The following UNC5A variants were observed in gnomAD, a reference collection of about 807,000 sequenced individuals.
The protein encoded by UNC5A is unc-5 netrin receptor A, also known as netrin receptor UNC5A.
In UNC5A, 20 loss-of-function variants were observed where a neutral mutation model predicts 87.4. The ratio of observed to expected loss-of-function variants is 0.23; its 90% CI spans 0.16 to 0.33. The LOEUF (loss-of-function observed/expected upper bound fraction) is 0.33, where lower values mean the gene tolerates loss of function less well. UNC5A is among the 10% of genes least tolerant of loss of function. UNC5A has a pLI of 1.00. For missense variants in UNC5A, 844 were observed against 1,133.4 expected (o/e 0.74, Z 3.67); for synonymous variants, 438 against 482.3 (o/e 0.91, Z 1.20).
Position 176,880,234 on chromosome 5 carries a change from C to T in UNC5A, c.*348C>T, listed in dbSNP as rs530983063. 1.1e-4 allele frequency: 23 copies of T among 217,934 alleles called. No individual in the cohort carries two copies. Among genetic ancestry groups the T allele is most frequent in the South Asian group, 7.5e-4 (9 of 12,028 alleles). The allele number at this position is 217,934 out of a possible 1,614,324, so 13.5% of individuals were successfully genotyped here. On this transcript the variant is annotated 3_prime_UTR_variant, in exon 15 of 15. Transcript: ENST00000329542. The stretch of plus-strand genomic sequence containing the variant: ...GGCCCCGCATACACACGGCCATGCA[C>T]GCACACACTGGGCCTGGGCCAGGGC...
chr5:176,839,764 C>G (rs1036600924), intron 1 of UNC5A, among the ~76,000 whole-genome samples: 8 of 151,148 alleles, frequency 5.3e-5, no homozygotes, highest in African/African-American at 7.3e-5. Flanking sequence ...CAGAAGCAAG[C>G]AGCACCTGGA....
rs1561672113 is a variant in UNC5A, at chr5:176,878,472, C to T, written c.2020-3C>T. On this transcript the variant is annotated splice_polypyrimidine_tract_variant and splice_region_variant and intron_variant, in intron 12 of 14. Coordinates refer to ENST00000329542, the MANE Select transcript of UNC5A (RefSeq NM_133369.3). ...TGACACCTCCTCTCTGCATCCCCAT[C>T]AGGAGATCCCCTTTTATCACATCTG... The T allele has an allele frequency of 1.5e-5, 24 of 1,612,268 alleles. No homozygotes were observed. The highest frequency in any genetic ancestry group is 2.0e-5 in the Non-Finnish European group (23 of 1,179,142).
chr5:176,856,243 C>A (rs1332282015), intron 1 of UNC5A, among the ~76,000 whole-genome samples: 2 of 152,232 alleles, frequency 1.3e-5, no homozygotes, highest in African/African-American at 4.8e-5. Context: ...CCGGGCGAGT[C>A]TTATCTCCCA....
chr5:176,849,556 G>T (rs1210137491), intron 1 of UNC5A, among the ~76,000 whole-genome samples: 1 of 152,228 alleles, frequency 6.6e-6, no homozygotes, highest in African/African-American at 2.4e-5. Context: ...TTGCTCTCCA[G>T]CCTGGGCAAC....
Position 176,839,807 on chromosome 5 carries a change from CTTTTTTTTT to C in UNC5A, c.71-22799_71-22791del, listed in dbSNP as rs58515865. 7.0e-3 allele frequency among the ~76,000 whole-genome samples: 863 copies of C among 123,886 alleles called. 12 individuals carry two copies. The highest frequency in any genetic ancestry group is 0.028 in the African/African-American group (829 of 29,794). The allele number at this position is 123,886 out of a possible 152,430, so 81.3% of individuals were successfully genotyped here. On this transcript the variant is annotated intron_variant, in intron 1 of 14. Transcript: ENST00000329542. ...CCCACTGTGGCTTCACGGCCACTTC[CTTTTTTTTT>C]TTTTTTTTTTTTTTTTTCTTGACAG...
At chr5:176,814,202 G>A (rs1426332039) in intron 1 of UNC5A, among the ~76,000 whole-genome samples, 2 of 152,134 alleles carry the variant, frequency 1.3e-5, no homozygotes, top group Admixed American at 6.5e-5. Flanking sequence ...TGGCATCCAG[G>A]CTGGAAATCT....
At position 176,824,209 on chromosome 5, in the gene UNC5A, C is replaced by T. The variant is rs542252838; in HGVS notation, c.70+13389C>T. On this transcript the variant is annotated intron_variant, in intron 1 of 14. Transcript: ENST00000329542. This position sits in a 1 kb window ranked among gnomAD's most constrained non-coding sequence, Gnocchi z 4.2. Reference sequence around the variant, plus strand: ...CGACACTGGCCCAGGACTATTTCCCCCATGTGTGGAAAGCGGCCGTGGGGC... The same window carrying T: ...CGACACTGGCCCAGGACTATTTCCCTCATGTGTGGAAAGCGGCCGTGGGGC... Among the ~76,000 whole-genome samples, 4 of 152,210 alleles carry T rather than the reference C, an allele frequency of 2.6e-5. No homozygotes were observed. Among genetic ancestry groups the T allele is most frequent in the Admixed American group, 6.5e-5 (1 of 15,284 alleles).
At chr5:176,862,916 C>A in intron 2 of UNC5A, 71 bp downstream of exon 2, 1 of 1,555,950 alleles carries the variant, frequency 6.4e-7, no homozygotes, top group South Asian at 1.1e-5. Flanking sequence ...GAGGAGCCTG[C>A]AGCTGCCCCC....
At chr5:176,849,591 G>T (rs963671202) in intron 1 of UNC5A, among the ~76,000 whole-genome samples, 1 of 152,100 alleles carries the variant, frequency 6.6e-6, no homozygotes, top group Non-Finnish European at 1.5e-5. Context: ...TTAAAAAAAT[G>T]GTGCACCTCT....
Position 176,868,600 on chromosome 5 carries a change from A to T in UNC5A, c.476A>T (p.Glu159Val). The change falls in exon 4 of 15, where the codon GAG becomes GTG. Residue 159 changes from glutamate (E) to valine (V), a missense_variant. Coordinates refer to ENST00000329542, the MANE Select transcript of UNC5A (RefSeq NM_133369.3). ...KNFEQEPLAK[E>V]VSLEQGIVLP... is the part of the protein sequence containing the mutation. Reference sequence around the variant, plus strand: ...TTCGAGCAGGAGCCGCTGGCCAAGGAGGTGTCCCTGGAGCAGGGCATCGTG... The same window carrying T: ...TTCGAGCAGGAGCCGCTGGCCAAGGTGGTGTCCCTGGAGCAGGGCATCGTG... 1 of 1,607,230 alleles carries T rather than the reference A, an allele frequency of 6.2e-7. No individual in the cohort carries two copies. Among genetic ancestry groups the T allele is most frequent in the Middle Eastern group, 1.7e-4 (1 of 5,986 alleles).
chr5:176,860,703 A>T (rs1757814968), intron 1 of UNC5A, among the ~76,000 whole-genome samples: 1 of 152,190 alleles, frequency 6.6e-6, no homozygotes, highest in Admixed American at 6.5e-5. Flanking sequence ...GACAGACCCC[A>T]GCAGAGGTGG....
intron 1 of UNC5A, among the ~76,000 whole-genome samples, chr5:176,825,442 C>T (rs888033517): frequency 6.6e-6 from 1 of 152,124 alleles, no homozygotes; most frequent in Non-Finnish European, 1.5e-5. Flanking sequence ...GGCCGGAGGA[C>T]GCTGTGCTCA....
At chr5:176,858,778 AGCAAGCAGGCAGGGAGGGAGGGAG>A (rs1554098991) in intron 1 of UNC5A, among the ~76,000 whole-genome samples, 37 of 36,514 alleles carry the variant, frequency 1.0e-3, no homozygotes, top group South Asian at 6.1e-3. Context: ...AAGGAAGGCA[AGCAAGCAGGCAGGGAGGGAGGGAG>A]GGAAGGAAAG....
Position 176,877,880 on chromosome 5 carries a change from A to T in UNC5A, c.1636-14A>T, listed in dbSNP as rs1336081959. ...GAGGCTGGGCCGAATTGACCCACTG[A>T]CCCCTGCCCACAGGATGTGCTGCAC... is the stretch of plus-strand genomic sequence containing the variant. On this transcript the variant is annotated splice_polypyrimidine_tract_variant and intron_variant, in intron 10 of 14. Transcript: ENST00000329542. 6.3e-7 allele frequency: 1 copy of T among 1,591,850 alleles called. No homozygotes were observed. The highest frequency in any genetic ancestry group is 8.5e-7 in the Non-Finnish European group (1 of 1,172,930).
intron 9 of UNC5A, 91 bp downstream of exon 9, chr5:176,877,370 C>G: frequency 7.2e-7 from 1 of 1,396,530 alleles, no homozygotes; most frequent in African/African-American, 1.4e-5. Flanking sequence ...ACTGTTGTGC[C>G]TGGCCCGAGG....
At position 176,862,758 on chromosome 5, in the gene UNC5A, C is replaced by A; in HGVS notation, c.205C>A (p.Pro69Thr). Residue 69 changes from proline to threonine, a missense_variant, in exon 2 of 15, where the codon CCC becomes ACC. By Grantham distance (38) the Pro-to-Thr change is conservative (BLOSUM62 -1). This residue lies in a region of UNC5A where 314 missense variants were observed against 466.5 expected (regional missense o/e 0.67). Transcript: ENST00000329542. ...AGTGCTGCTTGTGTGCAAGGCCGTG[C>A]CCGCCACGCAGATCTTCTTCAAGTG... ...KPVLLVCKAVPATQIFFKCNG... is the reference protein window; with the variant it reads ...KPVLLVCKAVTATQIFFKCNG... 1.2e-6 allele frequency: 2 copies of A among 1,613,580 alleles called. No homozygotes were observed. Among genetic ancestry groups the A allele is most frequent in the Non-Finnish European group, 1.7e-6 (2 of 1,179,940 alleles).
At chr5:176,843,266 C>T (rs945016052) in intron 1 of UNC5A, among the ~76,000 whole-genome samples, 3 of 152,098 alleles carry the variant, frequency 2.0e-5, no homozygotes, top group Non-Finnish European at 4.4e-5. Context: ...TGCGTCCACA[C>T]GGTGGGGCAC....
In UNC5A at chr5:176,833,836, G is replaced by A. The variant is rs375377489; in HGVS notation, c.70+23016G>A. On this transcript the variant is annotated intron_variant, in intron 1 of 14. Transcript: ENST00000329542. ...CCATTTTCCTGCCTCAGCCTCCCGA[G>A]TAGCTGGGACTACAGGCGCCCACCA... Among the ~76,000 whole-genome samples the A allele has an allele frequency of 4.2e-4, 64 of 151,722 alleles. No homozygotes were observed. In the East Asian group the frequency reaches 8.9e-3, roughly 21 times the overall value.
At chr5:176,867,198 G>T (rs1396335843) in intron 2 of UNC5A, among the ~76,000 whole-genome samples, 1 of 152,160 alleles carries the variant, frequency 6.6e-6, no homozygotes, top group Admixed American at 6.5e-5. Context: ...AGGAGAAATT[G>T]GAAGCAAACA....
Sources: gnomAD v4.1 joint callset for allele counts (sites outside exome capture counted in the v4.1 genomes callset) on GRCh38, gnomAD v4.1.1 for gene constraint, gnomAD v4.1.1 regional missense constraint, Gnocchi (gnomAD v3.1) non-coding constraint, MANE v1.5 for transcripts, NCBI Gene and HGNC (gene_info 2026-07-23, HGNC 2026-07-21) for gene names.